LY96: variants seen among roughly 807,000 people sequenced by gnomAD.
LY96 encodes lymphocyte antigen 96.
In LY96, 18 loss-of-function variants were observed where a neutral mutation model predicts 18.9. The ratio of observed to expected loss-of-function variants is 0.95; its 90% confidence interval spans 0.66 to 1.41. LY96 has a LOEUF of 1.41. Ranked by LOEUF, LY96 falls within the 40% of genes most tolerant of loss-of-function variation. The pLI, the probability that LY96 is intolerant of heterozygous loss-of-function variation, is 0.00. For synonymous variants in LY96, 66 were observed against 62.6 expected (o/e 1.06, Z -0.26); for missense variants, 175 against 182.4 (o/e 0.96, Z 0.23).
At chr8:74,083,336 TC>T in the LY96 span, among the ~76,000 whole-genome samples, 1 of 152,156 alleles carries the variant, frequency 6.6e-6, no homozygotes, top group Non-Finnish European at 1.5e-5. Flanking sequence ...TGCCTCAGCC[TC>T]CCAAGTAGCT....
intron 1 of LY96, among the ~76,000 whole-genome samples, chr8:73,998,141 A>C (rs76061819): frequency 0.015 from 2,210 of 152,246 alleles, 40 homozygotes; most frequent in African/African-American, 0.049. Context: ...ATTAGAAAAA[A>C]AGATGCTGCT....
chr8:74,034,485 A>G, the LY96 span, among the ~76,000 whole-genome samples: 10 of 152,194 alleles, frequency 6.6e-5, no homozygotes, highest in Non-Finnish European at 1.3e-4. Flanking sequence ...TTGAGTGCAG[A>G]TTGAATCATG....
chr8:73,993,108 A>T (rs1286911887), intron 1 of LY96, among the ~76,000 whole-genome samples: 2 of 150,072 alleles, frequency 1.3e-5, no homozygotes, highest in Non-Finnish European at 3.0e-5. Flanking sequence ...TGATCTGCCC[A>T]CCCCGGCCTC....
rs376445801 is a variant in LY96 at position 74,002,093 on chromosome 8, T to TTC, written c.113-2665_113-2664dup. Among the ~76,000 whole-genome samples the TTC allele has an allele frequency of 8.4e-3, 327 of 38,712 alleles. 80 individuals carry two copies. The highest frequency in any genetic ancestry group is 0.024 in the African/African-American group (158 of 6,454). The allele number at this position is 38,712 out of a possible 152,430, so 25.4% of individuals were successfully genotyped here. A position where few individuals can be genotyped will look rare whatever the true frequency, so the allele number is the denominator to read the frequency against. ...TTCCTTCCTTTCTTTCTTTCTTTCTTTCTCTCTCTCTCTCTCTCTCTCTCT... is the reference window on the plus strand; with the variant it reads ...TTCCTTCCTTTCTTTCTTTCTTTCTTTCTCTCTCTCTCTCTCTCTCTCTCTCT... On this transcript the variant is annotated intron_variant, in intron 1 of 4. Coordinates refer to ENST00000284818, the MANE Select transcript of LY96 (RefSeq NM_015364.5).
At chr8:74,054,947 C>T in the LY96 span, among the ~76,000 whole-genome samples, 1 of 152,056 alleles carries the variant, frequency 6.6e-6, no homozygotes, top group Admixed American at 6.6e-5. Context: ...CATTCTGTTG[C>T]CTAGGCTGGA....
the LY96 span, among the ~76,000 whole-genome samples, chr8:74,081,079 C>CTT: frequency 1.8e-4 from 14 of 78,600 alleles, no homozygotes; most frequent in African/African-American, 6.9e-4. Flanking sequence ...TTTCTTTCTT[C>CTT]TCTTTCTCTC....
chr8:74,021,976 C>A (rs572253603), intron 3 of LY96, among the ~76,000 whole-genome samples: 98 of 151,914 alleles, frequency 6.5e-4, no homozygotes, highest in African/African-American at 2.2e-3. Context: ...ATGTAAATGA[C>A]TAATTAATTG....
intron 2 of LY96, among the ~76,000 whole-genome samples, chr8:74,009,374 C>CAAAAAAAAAAAAA (rs370593442): frequency 3.1e-4 from 18 of 58,724 alleles, no homozygotes; most frequent in East Asian, 1.3e-3. Context: ...CAGTCTTTCT[C>CAAAAAAAAAAAAA]AAAAAAAAAA....
At chr8:73,995,124 T>C (rs1046826586) in intron 1 of LY96, among the ~76,000 whole-genome samples, 9 of 152,192 alleles carry the variant, frequency 5.9e-5, no homozygotes, top group African/African-American at 2.2e-4. Context: ...TTAGCCCCCT[T>C]ATGTCTCCTG....
At chr8:74,013,921 G>C (rs1816584593) in intron 3 of LY96, among the ~76,000 whole-genome samples, 1 of 152,026 alleles carries the variant, frequency 6.6e-6, no homozygotes, top group Non-Finnish European at 1.5e-5. Context: ...GACCCACTGA[G>C]ATTTCCATTT....
At chr8:74,087,600 C>T in the LY96 span, among the ~76,000 whole-genome samples, 8 of 152,090 alleles carry the variant, frequency 5.3e-5, no homozygotes, top group Admixed American at 6.5e-5. Context: ...ACTGTTTTGC[C>T]GTAAAGGGCC....
the LY96 span, among the ~76,000 whole-genome samples, chr8:74,074,479 TTTTA>T: frequency 3.3e-5 from 5 of 152,176 alleles, no homozygotes; most frequent in African/African-American, 1.2e-4. Flanking sequence ...TTCATTTCAA[TTTTA>T]TTTATTTATG....
the LY96 span, among the ~76,000 whole-genome samples, chr8:74,049,889 G>GC: frequency 6.6e-6 from 1 of 152,180 alleles, no homozygotes; most frequent in Non-Finnish European, 1.5e-5. Context: ...ATCGTGGTGT[G>GC]CATCTGTAGT....
chr8:74,047,781 A>G, the LY96 span, among the ~76,000 whole-genome samples: 3 of 152,220 alleles, frequency 2.0e-5, no homozygotes, highest in Non-Finnish European at 2.9e-5. Context: ...CCAAACCACA[A>G]TGCTAACCCT....
At chr8:74,088,201 GCT>G in the LY96 span, among the ~76,000 whole-genome samples, 3 of 151,784 alleles carry the variant, frequency 2.0e-5, no homozygotes, top group Admixed American at 2.0e-4. Flanking sequence ...CTATTCCCCT[GCT>G]CTCAGGACTC....
At chr8:74,016,695 T>C (rs1816650029) in intron 3 of LY96, among the ~76,000 whole-genome samples, 2 of 152,190 alleles carry the variant, frequency 1.3e-5, no homozygotes, top group African/African-American at 4.8e-5. Context: ...TTTGCTGATC[T>C]GCAATATTTA....
chr8:74,020,951 T>C (rs1816745860), intron 3 of LY96, among the ~76,000 whole-genome samples: 1 of 152,174 alleles, frequency 6.6e-6, no homozygotes, highest in African/African-American at 2.4e-5. Context: ...ATGTTAGACC[T>C]AAAACCATAA....
At chr8:74,081,523 T>C in the LY96 span, among the ~76,000 whole-genome samples, 1 of 151,904 alleles carries the variant, frequency 6.6e-6, no homozygotes, top group East Asian at 1.9e-4. Flanking sequence ...CCTCTCAAAA[T>C]GATGAGACTA....
the LY96 span, among the ~76,000 whole-genome samples, chr8:74,035,046 G>A: frequency 1.3e-5 from 2 of 152,114 alleles, no homozygotes; most frequent in South Asian, 2.1e-4. Context: ...TATGAGTTGC[G>A]AAGATATATA....
Sources: allele counts gnomAD v4.1 joint callset (sites outside exome capture counted in the v4.1 genomes callset), GRCh38; gene constraint gnomAD v4.1.1; transcripts MANE v1.5; gene names NCBI Gene and HGNC (gene_info 2026-07-23, HGNC 2026-07-21).